The following ASB15 variants were observed in gnomAD, a reference collection of about 807,000 sequenced individuals.
The protein encoded by ASB15 is ankyrin repeat and SOCS box containing 15.
ASB15 carries 54 observed loss-of-function variants against 58.0 expected under a neutral mutation model. The observed-to-expected ratio is 0.93, with a 90% CI of 0.75 to 1.17. The LOEUF is 1.17. Ranked by LOEUF, ASB15 falls within the 50% of genes most tolerant of loss-of-function variation. The probability of loss-of-function intolerance (pLI) is 0.00; values close to 1 mark genes in which losing one functional copy is unlikely to be tolerated. For synonymous variants in ASB15, 249 were observed against 262.4 expected, an observed-to-expected ratio of 0.95 and a Z score of 0.50; for missense variants, 680 against 707.4, an observed-to-expected ratio of 0.96 and a Z score of 0.44.
At chr7:123,628,826 TC>T in intron 9 of ASB15, 37 bp from the exon 10 acceptor site, 1 of 1,357,770 alleles carries the variant, frequency 7.4e-7, no homozygotes, top group Non-Finnish European at 1.0e-6. Context: ...TTCTTGATTT[TC>T]TTTATGGCAA....
At chr7:123,634,206 C>A (rs1057121448) in intron 11 of ASB15, among the ~76,000 whole-genome samples, 4 of 152,048 alleles carry the variant, frequency 2.6e-5, no homozygotes, top group Non-Finnish European at 5.9e-5. Context: ...CCCCAGCCAC[C>A]CCCCCGACAG....
intron 1 of ASB15, among the ~76,000 whole-genome samples, chr7:123,577,533 T>C (rs970850755): frequency 2.6e-5 from 4 of 152,202 alleles, no homozygotes; most frequent in African/African-American, 7.2e-5. Context: ...CATTTTGTCA[T>C]ACCTTATTTA....
rs955177012 is a variant in ASB15, at chr7:123,637,753, A to T, written c.*772A>T. 4.0e-5 allele frequency: 6 copies of T among 151,804 alleles called. No homozygotes were observed. Among genetic ancestry groups the T allele is most frequent in the African/African-American group, 1.5e-4 (6 of 41,298 alleles). The allele number at this position is 151,804 out of a possible 1,614,324, so 9.4% of individuals were successfully genotyped here. Reference sequence around the variant, plus strand: ...TCCATGGTCTTAATCATTTTGCTAGAGACTACAAAATTTCCATCCAAAGCT... The same window carrying T: ...TCCATGGTCTTAATCATTTTGCTAGTGACTACAAAATTTCCATCCAAAGCT... On this transcript the variant is annotated 3_prime_UTR_variant, in exon 12 of 12. Transcript: ENST00000451215.
rs149642706 is a variant in ASB15, at chr7:123,629,244, G to C, written c.1250G>C (p.Arg417Pro). ...TATTTTATGCATGTGAATGACACTC[G>C]TTTCCCCAGTGTCATTCAATATGCT... Reference protein sequence around the residue: ...NCYFMHVNDTRFPSVIQYALN... With the variant: ...NCYFMHVNDTPFPSVIQYALN... The change falls in exon 10 of 12, where the codon CGT (arginine) becomes CCT (proline). Residue 417 changes from arginine (R) to proline (P), a missense_variant. Coordinates refer to ENST00000451215, the MANE Select transcript of ASB15 (RefSeq NM_001290258.2). 1.2e-6 allele frequency: 2 copies of C among 1,613,850 alleles called. No homozygotes were observed. The highest frequency in any genetic ancestry group is 3.3e-5 in the Admixed American group (2 of 59,994).
chr7:123,608,372 T>A (rs1258667143), intron 2 of ASB15, among the ~76,000 whole-genome samples: 1 of 152,218 alleles, frequency 6.6e-6, no homozygotes, highest in Admixed American at 6.5e-5. Flanking sequence ...TGAGTTTTTA[T>A]CCCATGCCAG....
chr7:123,603,830 G>C (rs912145134), intron 1 of ASB15, among the ~76,000 whole-genome samples: 11 of 152,150 alleles, frequency 7.2e-5, no homozygotes, highest in Non-Finnish European at 1.6e-4. Flanking sequence ...GTAGATCTTT[G>C]GGATACTGGG....
chr7:123,596,883 C>T (rs1261696818), upstream of ASB15, among the ~76,000 whole-genome samples: 4 of 152,110 alleles, frequency 2.6e-5, no homozygotes, highest in African/African-American at 9.7e-5. Flanking sequence ...TCAAAATTTA[C>T]TTTGGTTGCC....
intron 1 of ASB15, among the ~76,000 whole-genome samples, chr7:123,579,208 A>G (rs2116309801): frequency 6.6e-6 from 1 of 152,178 alleles, no homozygotes; most frequent in Non-Finnish European, 1.5e-5. Flanking sequence ...AGCTGTATCC[A>G]TGTTGCTGAA....
chr7:123,624,088 A>G (rs1404842901), intron 7 of ASB15, among the ~76,000 whole-genome samples: 2 of 152,140 alleles, frequency 1.3e-5, no homozygotes, highest in Non-Finnish European at 2.9e-5. Context: ...CTGTTTCTAT[A>G]GGGGAAACCT....
rs905651338 is a variant in ASB15, at chr7:123,639,112, A to G, written c.*2131A>G. ...TAGATTTTAATAGTGTATTTTTCTT[A>G]TATTTATTTTTACCTTGTTACCGTA... is the stretch of plus-strand genomic sequence containing the variant. On this transcript the variant is annotated 3_prime_UTR_variant, in exon 12 of 12. Transcript: ENST00000451215. 3 of 152,014 alleles carry G rather than the reference A, an allele frequency of 2.0e-5. No homozygotes were observed. The highest frequency in any genetic ancestry group is 4.4e-5 in the Non-Finnish European group (3 of 68,004). 9.4% of individuals were successfully genotyped at this position (152,014 alleles called of 1,614,324 possible). A position where few individuals can be genotyped will look rare whatever the true frequency, so the allele number is the denominator to read the frequency against.
At chr7:123,578,096 T>A (rs758336125) in intron 1 of ASB15, among the ~76,000 whole-genome samples, 13 of 149,956 alleles carry the variant, frequency 8.7e-5, no homozygotes, top group Non-Finnish European at 1.8e-4. Context: ...CCTGTGTCCA[T>A]GTGTTCTCAT....
chr7:123,620,539 TATATATATATATATA>T (rs1249665797), intron 7 of ASB15, among the ~76,000 whole-genome samples: 14 of 23,342 alleles, frequency 6.0e-4, no homozygotes, highest in South Asian at 3.4e-3. Context: ...TATATATATA[TATATATATATATATA>T]TTTTTTTTTT....
upstream of ASB15, among the ~76,000 whole-genome samples, chr7:123,600,484 G>A (rs916462794): frequency 3.3e-5 from 5 of 152,098 alleles, no homozygotes; most frequent in Admixed American, 6.6e-5. Flanking sequence ...AGCTTTATAT[G>A]AATTTCTAAT....
intron 1 of ASB15, among the ~76,000 whole-genome samples, chr7:123,574,536 C>T (rs755791165): frequency 5.9e-5 from 9 of 152,248 alleles, no homozygotes; most frequent in Middle Eastern, 3.4e-3. Flanking sequence ...CTTTAAGAAC[C>T]GCTAGTTAAA....
At chr7:123,615,780 TG>T (rs1800762196) in intron 4 of ASB15, among the ~76,000 whole-genome samples, 2 of 152,176 alleles carry the variant, frequency 1.3e-5, no homozygotes, top group African/African-American at 4.8e-5. Context: ...AAACATTTTT[TG>T]AGCATAGAGT....
chr7:123,636,023 A>G (rs1438508056), intron 11 of ASB15, among the ~76,000 whole-genome samples: 2 of 152,114 alleles, frequency 1.3e-5, no homozygotes, highest in Non-Finnish European at 2.9e-5. Flanking sequence ...GATTTGTTTA[A>G]TCTTCAAACA....
intron 1 of ASB15, among the ~76,000 whole-genome samples, chr7:123,571,742 T>G (rs1011511370): frequency 1.3e-5 from 2 of 152,204 alleles, no homozygotes; most frequent in Non-Finnish European, 2.9e-5. Flanking sequence ...AAACAAAATT[T>G]TTAAGAAGAA....
intron 1 of ASB15, among the ~76,000 whole-genome samples, chr7:123,572,174 ACT>A (rs1367566382): frequency 9.1e-6 from 1 of 109,610 alleles, no homozygotes; most frequent in African/African-American, 3.7e-5. Flanking sequence ...ACAGAGTCTC[ACT>A]CTGTCACTAG....
chr7:123,594,461 T>A (rs1226903871), intron 1 of ASB15, among the ~76,000 whole-genome samples: 1 of 152,116 alleles, frequency 6.6e-6, no homozygotes, highest in Non-Finnish European at 1.5e-5. Flanking sequence ...CGTATGGGGT[T>A]TTGGTGTGGA....
Sources: gnomAD v4.1 joint callset for allele counts (sites outside exome capture counted in the v4.1 genomes callset) on GRCh38, gnomAD v4.1.1 for gene constraint, MANE v1.5 for transcripts, NCBI Gene and HGNC (gene_info 2026-07-23, HGNC 2026-07-21) for gene names.